FER: variants seen among roughly 807,000 people sequenced by gnomAD.
FER encodes FER tyrosine kinase, also known as tyrosine-protein kinase Fer.
In FER, 63 loss-of-function variants were observed where a neutral mutation model predicts 111.0. That is an observed-to-expected ratio of 0.57 (90% CI 0.46 to 0.70). The LOEUF (loss-of-function observed/expected upper bound fraction) is 0.70. Among genes scored for constraint, FER ranks in the 30% least tolerant of loss-of-function variants. The pLI, the probability that FER is intolerant of heterozygous loss-of-function variation, is 0.00. For synonymous variants in FER, 327 were observed against 313.9 expected (o/e 1.04, Z -0.44); for missense variants, 914 against 954.0 (o/e 0.96, Z 0.55).
chr5:108,857,016 C>T (rs893380838), intron 5 of FER, among the ~76,000 whole-genome samples: 8 of 152,042 alleles, frequency 5.3e-5, no homozygotes, highest in East Asian at 1.9e-4. Flanking sequence ...TATATTTTAA[C>T]GTCATTTCAG....
intron 10 of FER, among the ~76,000 whole-genome samples, chr5:108,936,383 T>G (rs757166101): frequency 2.0e-5 from 3 of 152,060 alleles, no homozygotes; most frequent in Non-Finnish European, 2.9e-5. Context: ...ATGATGACTC[T>G]TAATCAGATG....
chr5:108,773,484 A>G (rs1753146120), intron 2 of FER, among the ~76,000 whole-genome samples: 1 of 152,170 alleles, frequency 6.6e-6, no homozygotes, highest in African/African-American at 2.4e-5. Context: ...GCTGAGAATT[A>G]TGGCTTCCAA....
intron 16 of FER, among the ~76,000 whole-genome samples, chr5:109,071,981 A>G (rs1182196280): frequency 1.3e-5 from 2 of 151,698 alleles, no homozygotes; most frequent in Non-Finnish European, 3.0e-5. Flanking sequence ...TGGATATCTA[A>G]TTTTGAGTGT....
chr5:109,051,819 C>CTTGA (rs1772874437), intron 16 of FER: 2 of 1,597,908 alleles, frequency 1.3e-6, no homozygotes, highest in East Asian at 4.5e-5. Context: ...AGGACACCAC[C>CTTGA]AGCATGAAGA....
intron 13 of FER, among the ~76,000 whole-genome samples, chr5:108,994,121 A>G (rs764942307): frequency 6.6e-6 from 1 of 152,128 alleles, no homozygotes; most frequent in South Asian, 2.1e-4. Context: ...GAAGCTCTTT[A>G]GTTTAATTAG....
intron 2 of FER, among the ~76,000 whole-genome samples, chr5:108,792,648 T>C (rs1755510265): frequency 6.6e-6 from 1 of 152,078 alleles, no homozygotes; most frequent in African/African-American, 2.4e-5. Context: ...TAAAATTACT[T>C]TCAACAGTGT....
chr5:108,772,341 T>C (rs1008913534), intron 2 of FER, among the ~76,000 whole-genome samples: 5 of 151,442 alleles, frequency 3.3e-5, no homozygotes, highest in Non-Finnish European at 5.9e-5. Flanking sequence ...TACACATATA[T>C]ATGTATATAT....
chr5:108,769,402 G>A (rs1479442715), intron 2 of FER, among the ~76,000 whole-genome samples: 3 of 152,188 alleles, frequency 2.0e-5, no homozygotes, highest in Non-Finnish European at 4.4e-5. Context: ...AAAAATACCA[G>A]TGTGGTTGAC....
chr5:109,160,902 T>G (rs1263582636), intron 17 of FER, among the ~76,000 whole-genome samples: 1 of 152,190 alleles, frequency 6.6e-6, no homozygotes, highest in Non-Finnish European at 1.5e-5. Context: ...TCTGAAAGAC[T>G]GATGACGGAT....
chr5:108,857,642 T>C (rs1561522140), intron 5 of FER, among the ~76,000 whole-genome samples: 1 of 152,168 alleles, frequency 6.6e-6, no homozygotes, highest in Non-Finnish European at 1.5e-5. Flanking sequence ...AATTGTGAAA[T>C]GGTAATTTTC....
Position 108,938,022 on chromosome 5 carries a change from TCTCTCACACACA to T in FER, c.1237-8106_1237-8095del, listed in dbSNP as rs1353417356. Among the ~76,000 whole-genome samples, 7 of 77,862 alleles carry T rather than the reference TCTCTCACACACA, an allele frequency of 9.0e-5. 1 individual carries two copies. Among genetic ancestry groups the T allele is most frequent in the African/African-American group, 3.0e-4 (6 of 20,024 alleles). The allele number at this position is 77,862 out of a possible 152,430, so 51.1% of individuals were successfully genotyped here. ...CTTCCCTCCTTTTTTTCCCTATCTC[TCTCTCACACACA>T]CACACACACACACACACACACACAC... On this transcript the variant is annotated intron_variant, in intron 10 of 19. Transcript: ENST00000281092.
chr5:108,900,266 C>T (rs1749820450), intron 10 of FER, among the ~76,000 whole-genome samples: 1 of 152,082 alleles, frequency 6.6e-6, no homozygotes, highest in African/African-American at 2.4e-5. Context: ...ATGCCCAATT[C>T]CTAAAACTTA....
At chr5:109,129,716 A>C (rs192598132) in intron 17 of FER, among the ~76,000 whole-genome samples, 1 of 152,180 alleles carries the variant, frequency 6.6e-6, no homozygotes, top group Non-Finnish European at 1.5e-5. Context: ...AGATGTATAA[A>C]TTGGTACAAG....
At chr5:109,084,071 A>AG (rs1777288439) in intron 16 of FER, among the ~76,000 whole-genome samples, 1 of 152,036 alleles carries the variant, frequency 6.6e-6, no homozygotes, top group Non-Finnish European at 1.5e-5. Context: ...AAGTGTTTAC[A>AG]GTCATGTTAC....
chr5:109,156,892 G>A (rs1755457452), intron 17 of FER, among the ~76,000 whole-genome samples: 1 of 151,784 alleles, frequency 6.6e-6, no homozygotes, highest in South Asian at 2.1e-4. Context: ...AGGAGGTGAA[G>A]TAATAGAAAC....
chr5:108,840,487 G>A (rs1440006353), intron 5 of FER, among the ~76,000 whole-genome samples: 1 of 151,010 alleles, frequency 6.6e-6, no homozygotes, highest in Non-Finnish European at 1.5e-5. Flanking sequence ...TAGACTCTTA[G>A]TCTTTTCATC....
chr5:108,863,581 T>C (rs1178063189), intron 5 of FER, among the ~76,000 whole-genome samples: 3 of 152,170 alleles, frequency 2.0e-5, no homozygotes, highest in African/African-American at 7.2e-5. Flanking sequence ...AAATCATTCA[T>C]GGTTAGTATT....
intron 5 of FER, among the ~76,000 whole-genome samples, chr5:108,837,626 AATAC>A (rs1164731001): frequency 6.6e-6 from 1 of 152,178 alleles, no homozygotes; most frequent in African/African-American, 2.4e-5. Flanking sequence ...TAGAAAAAGA[AATAC>A]ATAAGTACTT....
At chr5:108,967,252 G>A (rs1437082375) in intron 13 of FER, among the ~76,000 whole-genome samples, 1 of 152,160 alleles carries the variant, frequency 6.6e-6, no homozygotes, top group East Asian at 1.9e-4. Context: ...GGTGATGAGG[G>A]CAGAGAATAA....
Sources: allele counts gnomAD v4.1 joint callset (sites outside exome capture counted in the v4.1 genomes callset), GRCh38; gene constraint gnomAD v4.1.1; transcripts MANE v1.5; gene names NCBI Gene and HGNC (gene_info 2026-07-23, HGNC 2026-07-21).